ABRAXAS1: variants seen among roughly 807,000 people sequenced by gnomAD.
ABRAXAS1 encodes the protein abraxas 1, BRCA1 A complex subunit, also known as BRCA1-A complex subunit Abraxas 1.
In ABRAXAS1, 26 loss-of-function variants were observed where a neutral mutation model predicts 38.4. The observed-to-expected ratio is 0.68, with a 90% CI of 0.50 to 0.94. The LOEUF is 0.94. Among genes scored for constraint, ABRAXAS1 ranks in the 40% least tolerant of loss-of-function variants. ABRAXAS1 has a pLI of 0.00. For missense variants in ABRAXAS1, 438 were observed against 481.9 expected, an observed-to-expected ratio of 0.91 and a Z score of 0.85; for synonymous variants, 144 against 165.5, an observed-to-expected ratio of 0.87 and a Z score of 1.00.
rs1323089111 is a variant in ABRAXAS1, at chr4:83,462,039, AAAT to A, written c.*427_*429del. The A allele has an allele frequency of 8.7e-6, 2 of 229,412 alleles. No homozygotes were observed. Among genetic ancestry groups the A allele is most frequent in the African/African-American group, 4.4e-5 (2 of 45,128 alleles). 14.2% of individuals were successfully genotyped at this position (229,412 alleles called of 1,614,324 possible). A position where few individuals can be genotyped will look rare whatever the true frequency, so the allele number is the denominator to read the frequency against. ...ATATAAATTTCTTTCCATATTTTGAAAATAAGGCTATTCTTGCTTTTCCATTTT... is the reference window on the plus strand; with the variant it reads ...ATATAAATTTCTTTCCATATTTTGAAAAGGCTATTCTTGCTTTTCCATTTT... On this transcript the variant is annotated 3_prime_UTR_variant, in exon 9 of 9. Transcript: ENST00000321945.
rs1164568228 is a variant in ABRAXAS1, at chr4:83,467,486, C to A, written c.649G>T (p.Glu217Ter). 6.4e-7 allele frequency: 1 copy of A among 1,563,236 alleles called. No homozygotes were observed. Among genetic ancestry groups the A allele is most frequent in the African/African-American group, 1.4e-5 (1 of 73,848 alleles). ...GSLKEVHKIN[E>*]MYASLQEELK... The stretch of plus-strand genomic sequence containing the variant: ...TCCTCTTGTAATGAAGCATACATTT[C>A]ATTTATCTTATGTACCTCCTTTAAG... The change falls in exon 7 of 9, where the codon GAA becomes TAA. Residue 217 changes from glutamate to a stop codon, truncating the protein, a stop_gained. Coordinates refer to ENST00000321945, the MANE Select transcript of ABRAXAS1 (RefSeq NM_139076.3). LOFTEE classifies it high-confidence loss of function.
At chr4:83,483,055 C>T (rs34620667) in intron 1 of ABRAXAS1, among the ~76,000 whole-genome samples, 54,073 of 152,076 alleles carry the variant, frequency 0.36, 11,312 homozygotes, top group East Asian at 0.67. Context: ...TTCTAAGGTA[C>T]GAAATGACAA....
intron 1 of ABRAXAS1, chr4:83,484,080 A>G (rs1723090858): frequency 1.1e-6 from 1 of 952,310 alleles, no homozygotes; most frequent in African/African-American, 1.8e-5. Context: ...GTTGTCCCCG[A>G]TGGTCTCGAA....
At chr4:83,483,589 A>G (rs1282935921) in intron 1 of ABRAXAS1, among the ~76,000 whole-genome samples, 2 of 152,198 alleles carry the variant, frequency 1.3e-5, no homozygotes, top group African/African-American at 4.8e-5. Flanking sequence ...ATAATTAATA[A>G]TGCTTTTTTC....
chr4:83,481,785 T>C (rs1723007415), intron 2 of ABRAXAS1, among the ~76,000 whole-genome samples: 1 of 152,230 alleles, frequency 6.6e-6, no homozygotes, highest in Non-Finnish European at 1.5e-5. Context: ...AGTCTCGCTT[T>C]GTTGCCCAGG....
chr4:83,475,020 T>G (rs557392402), intron 3 of ABRAXAS1, among the ~76,000 whole-genome samples: 9 of 152,348 alleles, frequency 5.9e-5, no homozygotes, highest in Non-Finnish European at 1.2e-4. Context: ...CCACCCCGCT[T>G]TAATCCTGTA....
chr4:83,475,404 A>G (rs542015427), intron 3 of ABRAXAS1, among the ~76,000 whole-genome samples: 5 of 152,240 alleles, frequency 3.3e-5, no homozygotes, highest in African/African-American at 1.2e-4. Context: ...TATAACTTTA[A>G]AGATGTGTAT....
intron 1 of ABRAXAS1, among the ~76,000 whole-genome samples, chr4:83,484,607 T>C (rs1723113258): frequency 6.6e-6 from 1 of 152,234 alleles, no homozygotes; most frequent in East Asian, 1.9e-4. Flanking sequence ...CAAACGCCTG[T>C]CGGGCGTCGC....
intron 4 of ABRAXAS1, among the ~76,000 whole-genome samples, chr4:83,471,924 C>G (rs538509795): frequency 6.6e-6 from 1 of 152,032 alleles, no homozygotes; most frequent in East Asian, 1.9e-4. Context: ...AATAACAGAA[C>G]TGATTAGGTC....
At position 83,485,062 on chromosome 4, in the gene ABRAXAS1, TC is replaced by T; in HGVS notation, c.10del (p.Glu4ArgfsTer34). The T allele has an allele frequency of 6.3e-7, 1 of 1,587,118 alleles. No homozygotes were observed. On this transcript the variant is annotated frameshift_variant, in exon 1 of 9. Coordinates refer to ENST00000321945, the MANE Select transcript of ABRAXAS1 (RefSeq NM_139076.3). LOFTEE classifies it high-confidence loss of function. ...GCCCGAGAGCACCGCCGACGTACTC[TC>T]CCCCTCCATGCTACCGCCGCCTCAG... is the stretch of plus-strand genomic sequence containing the variant. MEG[E>X]STSAVLSGFV...
At chr4:83,463,736 ATTTT>A in intron 7 of ABRAXAS1, 128 bp from the exon 8 acceptor site, 1 of 445,450 alleles carries the variant, frequency 2.2e-6, no homozygotes, top group Non-Finnish European at 3.9e-6. Flanking sequence ...TTTTATATAA[ATTTT>A]ATTTATTTTC....
rs139895913 is a variant in ABRAXAS1, at chr4:83,463,937, G to A, written c.682-329C>T. On this transcript the variant is annotated intron_variant, in intron 7 of 8. Coordinates refer to ENST00000321945, the MANE Select transcript of ABRAXAS1 (RefSeq NM_139076.3). Reference sequence around the variant, plus strand: ...GCGGTGGCTCACGCCTGTAATCCCAGCACTTTGGGAGGCTGAGGTGGGTAG... The same window carrying A: ...GCGGTGGCTCACGCCTGTAATCCCAACACTTTGGGAGGCTGAGGTGGGTAG... The A allele has an allele frequency of 7.0e-3, 1,095 of 156,916 alleles. 10 individuals are homozygous for A. The highest frequency in any genetic ancestry group is 0.025 in the African/African-American group (1,049 of 41,712). The allele number at this position is 156,916 out of a possible 1,614,324, so 9.7% of individuals were successfully genotyped here.
chr4:83,477,535 C>T, intron 2 of ABRAXAS1: 1 of 457,992 alleles, frequency 2.2e-6, no homozygotes, highest in Non-Finnish European at 4.3e-6. Flanking sequence ...AGCAAAGTAC[C>T]ACTGTAAGCC....
intron 2 of ABRAXAS1, chr4:83,479,582 T>G (rs1722908115): frequency 6.6e-6 from 1 of 152,136 alleles, no homozygotes; most frequent in African/African-American, 2.4e-5. Context: ...ATGGTAATAC[T>G]GTTTATGTTA....
At chr4:83,463,412 G>A in intron 8 of ABRAXAS1, 82 bp downstream of exon 8, 5 of 991,254 alleles carry the variant, frequency 5.0e-6, no homozygotes, top group Non-Finnish European at 7.3e-6. Context: ...CAACCTAGGC[G>A]ACAGAGCGAG....
At chr4:83,484,041 T>C (rs1478570308) in intron 1 of ABRAXAS1, 3 of 982,248 alleles carry the variant, frequency 3.1e-6, no homozygotes, top group Non-Finnish European at 3.6e-6. Flanking sequence ...TTGTAATGTT[T>C]AGATTTTGTA....
chr4:83,482,027 G>A (rs1049228827), intron 2 of ABRAXAS1, 127 bp downstream of exon 2: 2 of 602,820 alleles, frequency 3.3e-6, no homozygotes, highest in African/African-American at 3.8e-5. Context: ...TTACAGGTGT[G>A]AGCCACCTTG....
rs779168599 is a variant in ABRAXAS1, at chr4:83,462,598, G to C, written c.1101C>G (p.Asp367Glu). 6.2e-7 allele frequency: 1 copy of C among 1,614,088 alleles called. No homozygotes were observed. Among genetic ancestry groups the C allele is most frequent in the Non-Finnish European group, 8.5e-7 (1 of 1,180,000 alleles). The part of the protein sequence containing the change: ...FKRSRLLDTQ[D>E]KRSKADTGSS... ...TACCAGTATCTGCTTTAGATCGTTT[G>C]TCTTGTGTATCTAACAACCGAGATC... The change falls in exon 9 of 9, where the codon GAC (aspartate) becomes GAG (glutamate). Residue 367 changes from aspartate (D) to glutamate (E), a missense_variant. Around this residue, in one of 3 missense-constraint regions of ABRAXAS1, gnomAD observed 184 missense variants for 181.9 expected, o/e 1.01. Transcript: ENST00000321945.
rs538499383 is a variant in ABRAXAS1, at chr4:83,462,941, C to A, written c.797-39G>T. The A allele has an allele frequency of 3.7e-6, 5 of 1,342,780 alleles. No individual in the cohort carries two copies. The Admixed American group carries it at 1.2e-4, about 33-fold the overall frequency. 83.2% of individuals were successfully genotyped at this position (1,342,780 alleles called of 1,614,324 possible). Reference sequence around the variant, plus strand: ...AATAACAGTTCAACATATAACATTTCTTCTACAAAGCTTTTATAATTAACT... The same window carrying A: ...AATAACAGTTCAACATATAACATTTATTCTACAAAGCTTTTATAATTAACT... On this transcript the variant is annotated intron_variant, in intron 8 of 8. Transcript: ENST00000321945.
Sources: gnomAD v4.1 joint callset for allele counts (sites outside exome capture counted in the v4.1 genomes callset) on GRCh38, gnomAD v4.1.1 for gene constraint, gnomAD v4.1.1 regional missense constraint, MANE v1.5 for transcripts, NCBI Gene and HGNC (gene_info 2026-07-23, HGNC 2026-07-21) for gene names.